Variants in EEF2KMT observed in about 807,000 individuals in gnomAD.
EEF2KMT encodes the protein protein-lysine N-methyltransferase EEF2KMT.
In EEF2KMT, 30 loss-of-function variants were observed where a neutral mutation model predicts 35.1. The ratio of observed to expected loss-of-function variants is 0.85; its 90% CI spans 0.64 to 1.16. The LOEUF is 1.16. Ranked by LOEUF, EEF2KMT falls within the 50% of genes most tolerant of loss-of-function variation. EEF2KMT has a pLI of 0.00. For synonymous variants in EEF2KMT, 190 were observed against 187.7 expected (o/e 1.01, Z -0.10); for missense variants, 499 against 438.2 (o/e 1.14, Z -1.24).
Position 5,084,611 on chromosome 16 carries a change from G to T in EEF2KMT, c.*1021C>A, listed in dbSNP as rs1596264368. The T allele has an allele frequency of 4.5e-6, 6 of 1,342,570 alleles. No homozygotes were observed. Among genetic ancestry groups the T allele is most frequent in the Middle Eastern group, 5.0e-4 (2 of 3,978 alleles). The allele number at this position is 1,342,570 out of a possible 1,614,324, so 83.2% of individuals were successfully genotyped here. A position where few individuals can be genotyped will look rare whatever the true frequency, so the allele number is the denominator to read the frequency against. ...AGGCGGAGTGCTGCTGGGGTGTGAA[G>T]GGTCTCGAGTCCAAGTGAGGGAGTT... On this transcript the variant is annotated 3_prime_UTR_variant, in exon 8 of 8. Transcript: ENST00000427587.
rs1238606278 is a variant in EEF2KMT at position 5,085,717 on chromosome 16, C to T, written c.908G>A (p.Arg303Lys). Residue 303 changes from arginine (R) to lysine (K), a missense_variant, in exon 8 of 8, where the codon AGA (arginine) becomes AAA (lysine). Transcript: ENST00000427587. ...FTTELGRAGI[R>K]WEVEPRHEQK... Reference sequence around the variant, plus strand: ...CTCATGACGAGGTTCCACTTCCCATCTGATCCCGGCCCGGCCTGGAAACAG... The same window carrying T: ...CTCATGACGAGGTTCCACTTCCCATTTGATCCCGGCCCGGCCTGGAAACAG... 9 of 1,611,690 alleles carry T rather than the reference C, an allele frequency of 5.6e-6. No individual in the cohort carries two copies. The highest frequency in any genetic ancestry group is 7.6e-6 in the Non-Finnish European group (9 of 1,179,630).
In EEF2KMT at chr16:5,085,478, G is replaced by A. The variant is rs1047553; in HGVS notation, c.*154C>T. ...GCACCCACACGCTTAGATAGCCGAT[G>A]TCTTATTAGAGGGCAGTTTGTGGTT... On this transcript the variant is annotated 3_prime_UTR_variant, in exon 8 of 8. Coordinates refer to ENST00000427587, the MANE Select transcript of EEF2KMT (RefSeq NM_201400.4). 2.3e-5 allele frequency: 16 copies of A among 686,220 alleles called. No homozygotes were observed. The highest frequency in any genetic ancestry group is 4.3e-5 in the Non-Finnish European group (16 of 374,578). 42.5% of individuals were successfully genotyped at this position (686,220 alleles called of 1,614,324 possible).
In EEF2KMT at chr16:5,090,314, G is replaced by A; in HGVS notation, c.512C>T (p.Thr171Ile). The A allele has an allele frequency of 3.1e-6, 5 of 1,612,070 alleles. No homozygotes were observed. Among genetic ancestry groups the A allele is most frequent in the Non-Finnish European group, 4.2e-6 (5 of 1,179,862 alleles). ...VLELGSGAGL[T>I]GLAICKMCRP... The stretch of plus-strand genomic sequence containing the variant: ...GCACATCTTGCAGATGGCCAGGCCT[G>A]TGAGGCCAGCACCACTGCCAAGCTC... Residue 171 changes from threonine to isoleucine, a missense_variant, in exon 6 of 8, where the codon ACA (threonine) becomes ATA (isoleucine). Physicochemically the swap from Thr to Ile is moderately conservative, Grantham distance 89. Coordinates refer to ENST00000427587, the MANE Select transcript of EEF2KMT (RefSeq NM_201400.4). This position sits in a 1 kb window ranked among gnomAD's most constrained non-coding sequence, Gnocchi z 4.1.
At position 5,085,014 on chromosome 16, in the gene EEF2KMT, C is replaced by T. The variant is rs1957105350; in HGVS notation, c.*618G>A. ...GCTGAAATGACAGCAGTGGTACTGC[C>T]TGGTAAAAGAATTGGTTCTGTGACC... On this transcript the variant is annotated 3_prime_UTR_variant, in exon 8 of 8. Coordinates refer to ENST00000427587, the MANE Select transcript of EEF2KMT (RefSeq NM_201400.4). The T allele has an allele frequency of 1.5e-5, 22 of 1,504,570 alleles. No individual in the cohort carries two copies. The highest frequency in any genetic ancestry group is 2.0e-5 in the Non-Finnish European group (22 of 1,103,266). 93.2% of individuals were successfully genotyped at this position (1,504,570 alleles called of 1,614,324 possible). A position where few individuals can be genotyped will look rare whatever the true frequency, so the allele number is the denominator to read the frequency against.
intron 4 of EEF2KMT, among the ~76,000 whole-genome samples, chr16:5,091,587 G>A (rs7192972): frequency 1 from 151,762 of 152,350 alleles, 75,589 homozygotes; most frequent in Middle Eastern, 1. Context: ...TATTGGATAA[G>A]TGCCCAACAA....
At chr16:5,089,845 C>T (rs141084086) in intron 6 of EEF2KMT, among the ~76,000 whole-genome samples, 2,266 of 152,276 alleles carry the variant, frequency 0.015, 35 homozygotes, top group Non-Finnish European at 0.02. Context: ...TGGGACAGAG[C>T]CATGTGGTAA....
rs1482417969 is a variant in EEF2KMT, at chr16:5,092,853, T to G, written c.240+631A>C. ...GGCGTGTGCCTGTAGTCCCAGCTTC[T>G]TAGGAGGCTGGCATGACAGTTGCTT... On this transcript the variant is annotated intron_variant, in intron 3 of 7. Coordinates refer to ENST00000427587, the MANE Select transcript of EEF2KMT (RefSeq NM_201400.4). Among the ~76,000 whole-genome samples the G allele has an allele frequency of 2.0e-5, 3 of 152,114 alleles. No individual in the cohort carries two copies. The East Asian group carries it at 5.8e-4, about 29-fold the overall frequency.
chr16:5,093,411 G>C (rs891755733), intron 3 of EEF2KMT, 73 bp downstream of exon 3: 167 of 1,607,064 alleles, frequency 1.0e-4, no homozygotes, highest in Non-Finnish European at 1.3e-4. Flanking sequence ...CCCAGGGCCT[G>C]GGAAGGACGG....
intron 2 of EEF2KMT, among the ~76,000 whole-genome samples, chr16:5,093,944 G>A (rs1339348717): frequency 6.6e-6 from 1 of 152,256 alleles, no homozygotes; most frequent in Non-Finnish European, 1.5e-5. Flanking sequence ...CTCTCTTGGA[G>A]TGTGTGTCCC....
At position 5,097,631 on chromosome 16, in the gene EEF2KMT, C is replaced by A. The variant is rs770830389; in HGVS notation, c.96+13G>T. 10 of 1,549,330 alleles carry A rather than the reference C, an allele frequency of 6.5e-6. No individual in the cohort carries two copies. The East Asian group carries it at 2.4e-4, about 37-fold the overall frequency. On this transcript the variant is annotated intron_variant, in intron 1 of 7. Coordinates refer to ENST00000427587, the MANE Select transcript of EEF2KMT (RefSeq NM_201400.4). ...CGAGCCCCGCGGGCCTCTCCGCTCG[C>A]CCCGCCGCCCACCTGCCAGGGGAAG...
chr16:5,090,089 G>A lies in EEF2KMT; in HGVS notation c.737C>T (p.Ala246Val), dbSNP rs1488591251. 1 of 1,604,954 alleles carries A rather than the reference G, an allele frequency of 6.2e-7. No homozygotes were observed. The highest frequency in any genetic ancestry group is 1.7e-5 in the Admixed American group (1 of 60,014). Residue 246 changes from alanine (A) to valine (V), a missense_variant, in exon 6 of 8, where the codon GCA becomes GTA. Ala to Val is a moderately conservative substitution (Grantham distance 64). Transcript: ENST00000427587. The surrounding 1 kb of genome is among the most constrained non-coding windows in gnomAD (Gnocchi z 4.1). ...TGCCCGGGGCTGGGCATTACCTGCT[G>A]CAATGACAACATCTGGCTGGAAGGC... is the stretch of plus-strand genomic sequence containing the variant. ...LSAFQPDVVI[A>V]ADVLYCPEAI... is the part of the protein sequence containing the mutation.
At chr16:5,088,067 G>T (rs1407518472) in intron 7 of EEF2KMT, among the ~76,000 whole-genome samples, 46 of 151,912 alleles carry the variant, frequency 3.0e-4, no homozygotes, top group African/African-American at 1.1e-3. Flanking sequence ...TCAGCCTCCT[G>T]AGTAGCTGGG....
At chr16:5,095,185 G>A (rs1201346767) in intron 2 of EEF2KMT, among the ~76,000 whole-genome samples, 1 of 152,214 alleles carries the variant, frequency 6.6e-6, no homozygotes, top group Non-Finnish European at 1.5e-5. Context: ...TTTTGCTGTG[G>A]ATGGTTTAAA....
chr16:5,093,087 T>C (rs1957375564), intron 3 of EEF2KMT, among the ~76,000 whole-genome samples: 1 of 152,226 alleles, frequency 6.6e-6, no homozygotes, highest in Non-Finnish European at 1.5e-5. Context: ...AAGAGCTAAA[T>C]CTTCCAACAG....
At chr16:5,087,972 T>C in intron 7 of EEF2KMT, among the ~76,000 whole-genome samples, 1 of 150,622 alleles carries the variant, frequency 6.6e-6, no homozygotes, top group Non-Finnish European at 1.5e-5. Flanking sequence ...GACAGGGTCT[T>C]GCTCTGTTGC....
chr16:5,093,568 C>T lies in EEF2KMT; in HGVS notation c.160-4G>A, dbSNP rs536693743. On this transcript the variant is annotated splice_polypyrimidine_tract_variant and splice_region_variant and intron_variant, in intron 2 of 7. Transcript: ENST00000427587. ...CACACACAGGATGCTTCACAGTCTA[C>T]GGCAAAGGACAGAACGTTGGTTGCT... 18 of 1,611,866 alleles carry T rather than the reference C, an allele frequency of 1.1e-5. No homozygotes were observed. The highest frequency in any genetic ancestry group is 6.7e-5 in the African/African-American group (5 of 74,854).
chr16:5,091,698 G>T, intron 4 of EEF2KMT, 96 bp downstream of exon 4: 1 of 1,562,792 alleles, frequency 6.4e-7, no homozygotes, highest in South Asian at 1.2e-5. Flanking sequence ...CTGTAGAATG[G>T]GTGAGTCAGG....
chr16:5,091,946 A>G (rs1957348657), intron 3 of EEF2KMT, 51 bp from the exon 4 acceptor site: 2 of 1,607,978 alleles, frequency 1.2e-6, no homozygotes, highest in Non-Finnish European at 1.7e-6. Flanking sequence ...AATCTGTAAA[A>G]ATGGCCAGAT....
At chr16:5,086,066 T>C (rs760492544) in intron 7 of EEF2KMT, among the ~76,000 whole-genome samples, 1 of 152,222 alleles carries the variant, frequency 6.6e-6, no homozygotes, top group African/African-American at 2.4e-5. Context: ...CCGGGCACAG[T>C]GGCTCATGCC....
Sources: gnomAD v4.1 joint callset for allele counts (sites outside exome capture counted in the v4.1 genomes callset) on GRCh38, gnomAD v4.1.1 for gene constraint, Gnocchi (gnomAD v3.1) non-coding constraint, MANE v1.5 for transcripts, NCBI Gene and HGNC (gene_info 2026-07-23, HGNC 2026-07-21) for gene names.